The following MUC5B variants were observed in gnomAD, a reference collection of about 807,000 sequenced individuals.
The protein encoded by MUC5B is mucin 5B, oligomeric mucus/gel-forming.
A neutral mutation model predicts 376.9 loss-of-function variants in MUC5B; 116 were observed. The observed-to-expected ratio is 0.31, with a 90% CI of 0.26 to 0.36. The LOEUF is 0.36. MUC5B is among the 10% of genes least tolerant of loss of function. The pLI is 1.00. For synonymous variants in MUC5B, 3,517 were observed against 3,390.9 expected, an observed-to-expected ratio of 1.04 and a Z score of -1.29; for missense variants, 7,165 against 7,769.9, an observed-to-expected ratio of 0.92 and a Z score of 2.93.
At chr11:1,224,056 C>G (rs1297592506) in intron 1 of MUC5B, among the ~76,000 whole-genome samples, 1 of 152,176 alleles carries the variant, frequency 6.6e-6, no homozygotes, top group Non-Finnish European at 1.5e-5. Flanking sequence ...AGCCTGGGCC[C>G]GGGGGGAGCT....
In MUC5B at chr11:1,243,773, C is replaced by G; in HGVS notation, c.6893C>G (p.Pro2298Arg). The G allele has an allele frequency of 1.2e-6, 2 of 1,611,718 alleles. No homozygotes were observed. The highest frequency in any genetic ancestry group is 1.7e-6 in the Non-Finnish European group (2 of 1,179,646). ...AAGACCCGCACCTCGACCCTGCTGC[C>G]CAGCAGCCCCACATCGGCCCCCATA... ...PSKTRTSTLL[P>R]SSPTSAPITT... The change falls in exon 31 of 49, where the codon CCC becomes CGC. Residue 2298 changes from proline to arginine, a missense_variant. Pro to Arg is a moderately radical substitution (Grantham distance 103). Around this residue, in one of 31 missense-constraint regions of MUC5B, gnomAD observed 26 missense variants for 36.2 expected, o/e 0.72. Coordinates refer to ENST00000529681, the MANE Select transcript of MUC5B (RefSeq NM_002458.3).
chr11:1,226,553 C>A (rs1861885610), intron 3 of MUC5B, 62 bp from the exon 4 acceptor site: 1 of 1,549,928 alleles, frequency 6.5e-7, no homozygotes, highest in South Asian at 1.2e-5. Flanking sequence ...TGCCTCGGCC[C>A]AGGGGAGGCT....
rs1246654045 is a variant in MUC5B, at chr11:1,258,800, TG to T, written c.16594-139del. The T allele has an allele frequency of 6.6e-6, 8 of 1,207,722 alleles. No individual in the cohort carries two copies. The Admixed American group carries it at 1.6e-4, about 25-fold the overall frequency. 74.8% of individuals were successfully genotyped at this position (1,207,722 alleles called of 1,614,324 possible). On this transcript the variant is annotated intron_variant, in intron 43 of 48. Transcript: ENST00000529681. This position sits in a 1 kb window ranked among gnomAD's most constrained non-coding sequence, Gnocchi z 5.5. Reference sequence around the variant, plus strand: ...TGTGTGCATCAGCTCCCTGCCTGCCTGGGTCCATGCTCAGCCAGGGGTGCAT... The same window carrying T: ...TGTGTGCATCAGCTCCCTGCCTGCCTGGTCCATGCTCAGCCAGGGGTGCAT...
rs533140243 is a variant in MUC5B at position 1,259,820 on chromosome 11, C to G, written c.16778C>G (p.Thr5593Arg). The change falls in exon 45 of 49, where the codon ACG becomes AGG. Residue 5593 changes from threonine (T) to arginine (R), a missense_variant. Transcript: ENST00000529681. Reference sequence around the variant, plus strand: ...GAGTGCGTCCAGACCGCCTGCCTCACGCCCGATGGCCAGCCAGTCCAGGTA... The same window carrying G: ...GAGTGCGTCCAGACCGCCTGCCTCAGGCCCGATGGCCAGCCAGTCCAGGTA... ...CGECVQTACL[T>R]PDGQPVQLNE... 2.5e-6 allele frequency: 4 copies of G among 1,612,388 alleles called. No homozygotes were observed. The highest frequency in any genetic ancestry group is 1.1e-5 in the South Asian group (1 of 91,078).
In MUC5B at chr11:1,248,561, C is replaced by A; in HGVS notation, c.11681C>A (p.Thr3894Asn). ...ARTPPVWIST[T>N]TTPTTSGSTV... ...ACGCCTCCAGTGTGGATCAGCACAA[C>A]CACCACACCCACAACCAGTGGCTCC... is the stretch of plus-strand genomic sequence containing the variant. Residue 3894 changes from threonine (T) to asparagine (N), a missense_variant, in exon 31 of 49, where the codon ACC becomes AAC. Coordinates refer to ENST00000529681, the MANE Select transcript of MUC5B (RefSeq NM_002458.3). 6.2e-7 allele frequency: 1 copy of A among 1,613,330 alleles called. No individual in the cohort carries two copies. Among genetic ancestry groups the A allele is most frequent in the Non-Finnish European group, 8.5e-7 (1 of 1,179,714 alleles).
chr11:1,229,165 C>T lies in MUC5B; in HGVS notation c.977-5C>T, dbSNP rs56325034. ...CCTGGCCCAGCCCCACCTCCTTTTG[C>T]GCAGCCCGGACCTGCCCCCTCAACA... On this transcript the variant is annotated splice_polypyrimidine_tract_variant and splice_region_variant and intron_variant, in intron 8 of 48. Transcript: ENST00000529681. 4.2e-3 allele frequency: 6,630 copies of T among 1,582,720 alleles called. 17 individuals carry two copies. Among genetic ancestry groups the T allele is most frequent in the Non-Finnish European group, 4.9e-3 (5,717 of 1,169,572 alleles).
At chr11:1,235,280 C>T in intron 22 of MUC5B, 23 bp from the exon 23 acceptor site, 2 of 1,610,790 alleles carry the variant, frequency 1.2e-6, no homozygotes, top group Non-Finnish European at 1.7e-6. Context: ...CCGCGGCCAG[C>T]AGCTTGTCTC....
At position 1,256,722 on chromosome 11, in the gene MUC5B, G is replaced by A. The variant is rs2133851941; in HGVS notation, c.16188G>A (p.Glu5396=). The A allele has an allele frequency of 6.4e-7, 1 of 1,562,210 alleles. No individual in the cohort carries two copies. The highest frequency in any genetic ancestry group is 8.7e-7 in the Non-Finnish European group (1 of 1,155,804). The change falls in exon 39 of 49, where the codon GAG becomes GAA. Residue 5396 remains glutamate (E), a synonymous_variant. Transcript: ENST00000529681. ...EGMAEGCFCP[E]DQILFNAHMG... is the part of the protein sequence containing the mutation. Reference sequence around the variant, plus strand: ...TGGCGGAGGGCTGCTTCTGCCCTGAGGACCAGATCCTCTTCAACGCACACA... The same window carrying A: ...TGGCGGAGGGCTGCTTCTGCCCTGAAGACCAGATCCTCTTCAACGCACACA...
chr11:1,239,591 G>A (rs775049472), intron 27 of MUC5B, 25 bp downstream of exon 27: 10 of 1,543,976 alleles, frequency 6.5e-6, no homozygotes, highest in Non-Finnish European at 8.8e-6. Flanking sequence ...TTCTTGGATG[G>A]AGCCTCCTCT....
Position 1,251,212 on chromosome 11 carries a change from A to T in MUC5B, c.14332A>T (p.Ile4778Phe). ...CACACCCATGTCCACCATGTCCACA[A>T]TCCACACCTCCTCTACTCCAGAGAC... Reference protein sequence around the residue: ...TTTPMSTMSTIHTSSTPETTH... With the variant: ...TTTPMSTMSTFHTSSTPETTH... The change falls in exon 31 of 49, where the codon ATC becomes TTC. Residue 4778 changes from isoleucine to phenylalanine, a missense_variant. Transcript: ENST00000529681. 2 of 1,610,278 alleles carry T rather than the reference A, an allele frequency of 1.2e-6. No individual in the cohort carries two copies. Among genetic ancestry groups the T allele is most frequent in the Non-Finnish European group, 1.7e-6 (2 of 1,177,916 alleles).
rs2249550 is a variant in MUC5B at position 1,258,256 on chromosome 11, A to C, written c.16555+53A>C. ...GGTGGCCTCTTGCTGGGGGTGGGGG[A>C]GTGCAGGATGGTGGGGGCGCTGGAG... On this transcript the variant is annotated intron_variant, in intron 42 of 48. Coordinates refer to ENST00000529681, the MANE Select transcript of MUC5B (RefSeq NM_002458.3). This position sits in a 1 kb window ranked among gnomAD's most constrained non-coding sequence, Gnocchi z 5.5. 1.7e-5 allele frequency: 27 copies of C among 1,574,080 alleles called. No individual in the cohort carries two copies. The African/African-American group carries it at 3.5e-4, about 20-fold the overall frequency.
rs1431784189 is a variant in MUC5B, at chr11:1,256,162, C to A, written c.16073C>A (p.Thr5358Asn). The A allele has an allele frequency of 8.2e-6, 6 of 732,744 alleles. No homozygotes were observed. The highest frequency in any genetic ancestry group is 1.5e-5 in the Non-Finnish European group (6 of 394,704). 45.4% of individuals were successfully genotyped at this position (732,744 alleles called of 1,614,324 possible). A position where few individuals can be genotyped will look rare whatever the true frequency, so the allele number is the denominator to read the frequency against. ...CACCTCTCTGTGCCCACAGACCTCA[C>A]CTGCCCACCCACCAAAGTGTACAAG... ...RGATGGLCDL[T>N]CPPTKVYKPC... Residue 5358 changes from threonine to asparagine, a missense_variant, in exon 38 of 49, where the codon ACC (threonine) becomes AAC (asparagine). By Grantham distance (65) the Thr-to-Asn change is moderately conservative (BLOSUM62 0). This residue lies in a region of MUC5B where 842 missense variants were observed against 1,016.9 expected (regional missense o/e 0.83). Transcript: ENST00000529681.
Position 1,241,778 on chromosome 11 carries a change from C to T in MUC5B, c.4898C>T (p.Pro1633Leu). The T allele has an allele frequency of 1.2e-6, 2 of 1,612,390 alleles. No homozygotes were observed. The highest frequency in any genetic ancestry group is 1.7e-6 in the Non-Finnish European group (2 of 1,179,256). Residue 1633 changes from proline to leucine, a missense_variant, in exon 31 of 49, where the codon CCT becomes CTT. By Grantham distance (98) the Pro-to-Leu change is moderately conservative. Coordinates refer to ENST00000529681, the MANE Select transcript of MUC5B (RefSeq NM_002458.3). ...CAGGCCCTGTTCTCAACGCCGCAGC[C>T]TACGAGTAGCCCGGGGCTGACCAGG... ...TTQALFSTPQ[P>L]TSSPGLTRAP...
intron 30 of MUC5B, 54 bp from the exon 31 acceptor site, chr11:1,240,797 G>T: frequency 6.7e-7 from 1 of 1,500,582 alleles, no homozygotes; most frequent in Non-Finnish European, 9.0e-7. Flanking sequence ...TCCACCTTGT[G>T]AGGCCAGGAC....
Position 1,248,699 on chromosome 11 carries a change from C to T in MUC5B, c.11819C>T (p.Thr3940Ile), listed in dbSNP as rs762960377. The T allele has an allele frequency of 3.2e-6, 5 of 1,574,926 alleles. No homozygotes were observed. The Middle Eastern group carries it at 6.7e-4, about 210-fold the overall frequency. ...GCAACACCCTCCTCTAGCACACAGACCAGTGGTACTCCCCCATCACTGATC... is the reference window on the plus strand; with the variant it reads ...GCAACACCCTCCTCTAGCACACAGATCAGTGGTACTCCCCCATCACTGATC... ...SMATPSSSTQ[T>I]SGTPPSLITT... The change falls in exon 31 of 49, where the codon ACC (threonine) becomes ATC (isoleucine). Residue 3940 changes from threonine to isoleucine, a missense_variant. Physicochemically the swap from Thr to Ile is moderately conservative, Grantham distance 89 (BLOSUM62 -1). Transcript: ENST00000529681.
rs376283990 is a variant in MUC5B at position 1,230,986 on chromosome 11, G to T, written c.1521G>T (p.Thr507=). ...DGGVFLNSIY[T]QLPLSAANIT... ...GCGTGTTCCTCAACTCCATCTACAC[G>T]CAGCTGCCCCTGTCGGCAGGTATGT... Residue 507 remains threonine (T), a synonymous_variant, in exon 13 of 49, where the codon ACG becomes ACT. Coordinates refer to ENST00000529681, the MANE Select transcript of MUC5B (RefSeq NM_002458.3). The T allele has an allele frequency of 2.5e-6, 4 of 1,598,088 alleles. No individual in the cohort carries two copies. Among genetic ancestry groups the T allele is most frequent in the East Asian group, 2.3e-5 (1 of 43,966 alleles).
rs746113562 is a variant in MUC5B at position 1,247,539 on chromosome 11, G to C, written c.10659G>C (p.Leu3553=). 6.2e-7 allele frequency: 1 copy of C among 1,610,940 alleles called. No homozygotes were observed. Residue 3553 remains leucine, a synonymous_variant, in exon 31 of 49, where the codon CTG becomes CTC. Transcript: ENST00000529681. ...ATPSKTRTST[L]LPSSPTSAPI... ...CCAGCAAGACCCGCACCTCGACCCTGCTGCCCAGCAGCCCCACATCGGCCC... is the reference window on the plus strand; with the variant it reads ...CCAGCAAGACCCGCACCTCGACCCTCCTGCCCAGCAGCCCCACATCGGCCC...
At position 1,259,980 on chromosome 11, in the gene MUC5B, C is replaced by A; in HGVS notation, c.16818C>A (p.Val5606=). ...CATTTCAGCTGAATGAAACCTGGGT[C>A]AACAGCCATGTGGACAACTGCACCG... ...GQPVQLNETW[V]NSHVDNCTVY... The change falls in exon 46 of 49, where the codon GTC becomes GTA. Residue 5606 remains valine, a synonymous_variant. Coordinates refer to ENST00000529681, the MANE Select transcript of MUC5B (RefSeq NM_002458.3). The A allele has an allele frequency of 1.2e-6, 2 of 1,612,958 alleles. No homozygotes were observed. Among genetic ancestry groups the A allele is most frequent in the South Asian group, 1.1e-5 (1 of 91,086 alleles).
intron 15 of MUC5B, 123 bp from the exon 16 acceptor site, chr11:1,232,327 G>T: frequency 7.4e-7 from 1 of 1,355,678 alleles, no homozygotes; most frequent in South Asian, 1.4e-5. Context: ...ACCCCCCAAG[G>T]CGCAGCAGGT....
Sources: allele counts gnomAD v4.1 joint callset (sites outside exome capture counted in the v4.1 genomes callset), GRCh38; gene constraint gnomAD v4.1.1; regional missense constraint gnomAD v4.1.1; non-coding constraint Gnocchi (gnomAD v3.1); transcripts MANE v1.5; gene names NCBI Gene and HGNC (gene_info 2026-07-23, HGNC 2026-07-21).